CYP20A1: variants seen among roughly 807,000 people sequenced by gnomAD.
CYP20A1 encodes cytochrome P450 family 20 subfamily A member 1, also known as cytochrome P450 20A1.
Under a neutral mutation model 61.4 loss-of-function variants are expected in CYP20A1, and 61 were observed. The ratio of observed to expected loss-of-function variants is 0.99; its 90% CI spans 0.81 to 1.23. CYP20A1 has a LOEUF of 1.23. Ranked by LOEUF, CYP20A1 falls within the 50% of genes most tolerant of loss-of-function variation. The pLI, the probability that CYP20A1 is intolerant of heterozygous loss-of-function variation, is 0.00. For missense variants in CYP20A1, 530 were observed against 542.4 expected (o/e 0.98, Z 0.23); for synonymous variants, 193 against 188.2 (o/e 1.03, Z -0.21).
chr2:203,290,415 A>G (rs2068484200), intron 10 of CYP20A1, among the ~76,000 whole-genome samples: 1 of 152,170 alleles, frequency 6.6e-6, no homozygotes, highest in Admixed American at 6.6e-5. Context: ...ATTTTTATAG[A>G]CCTATTTCTG....
In CYP20A1 at chr2:203,300,611, C is replaced by T. The variant is rs774176113; in HGVS notation, c.*3703C>T. Among the ~76,000 whole-genome samples the T allele has an allele frequency of 2.0e-5, 3 of 152,220 alleles. No individual in the cohort carries two copies. The highest frequency in any genetic ancestry group is 1.9e-4 in the East Asian group (1 of 5,186). On this transcript the variant is annotated 3_prime_UTR_variant, in exon 13 of 13. Transcript: ENST00000356079. ...TATTGTTAAAAAACATAAGCATGGC[C>T]GGGCACAGTGGCTCACACCTGTAAT...
chr2:203,256,686 GTGTC>G (rs2066905834), intron 4 of CYP20A1, among the ~76,000 whole-genome samples: 1 of 152,152 alleles, frequency 6.6e-6, no homozygotes, highest in African/African-American at 2.4e-5. Context: ...AATCCTTTGA[GTGTC>G]TGTCTCCCTC....
intron 11 of CYP20A1, among the ~76,000 whole-genome samples, chr2:203,295,016 G>T (rs1437506988): frequency 3.1e-5 from 3 of 98,118 alleles, no homozygotes; most frequent in African/African-American, 1.2e-4. Context: ...ACAGTGGCGC[G>T]ATCCCGGCTC....
At chr2:203,295,238 C>T (rs2068740112) in intron 11 of CYP20A1, among the ~76,000 whole-genome samples, 1 of 151,684 alleles carries the variant, frequency 6.6e-6, no homozygotes, top group African/African-American at 2.4e-5. Flanking sequence ...AGCCACCGCG[C>T]CTGGCCAAAA....
intron 4 of CYP20A1, chr2:203,259,898 G>C (rs1361540371): frequency 6.7e-6 from 1 of 149,458 alleles, no homozygotes; most frequent in Admixed American, 6.6e-5. Flanking sequence ...GCCCACCTCA[G>C]CCTCCCAAAG....
intron 11 of CYP20A1, among the ~76,000 whole-genome samples, chr2:203,295,319 C>T (rs1038894957): frequency 6.6e-6 from 1 of 152,044 alleles, no homozygotes; most frequent in African/African-American, 2.4e-5. Flanking sequence ...AAGCAATCCT[C>T]CCACCTTGGC....
At chr2:203,290,967 C>T (rs1029557083) in intron 10 of CYP20A1, among the ~76,000 whole-genome samples, 7 of 151,902 alleles carry the variant, frequency 4.6e-5, no homozygotes, top group South Asian at 2.1e-4. Context: ...AAGCAGCCCC[C>T]GCTAGTGGAA....
At chr2:203,292,383 G>T (rs549575564) in intron 11 of CYP20A1, 57 bp downstream of exon 11, 5 of 1,292,638 alleles carry the variant, frequency 3.9e-6, no homozygotes, top group Admixed American at 3.4e-5. Context: ...TGCACGTTTT[G>T]CATTCCTTTC....
rs577378781 is a variant in CYP20A1, at chr2:203,239,326, G to T, written c.72+192G>T. Among the ~76,000 whole-genome samples the T allele has an allele frequency of 1.2e-4, 18 of 152,168 alleles. No individual in the cohort carries two copies. The East Asian group carries it at 2.5e-3, about 21-fold the overall frequency. ...GCCCCTCCCGGCAAGCTCTGAGAGC[G>T]ACGTGGGCTGCGTCGCTACCCCTCA... On this transcript the variant is annotated intron_variant, in intron 1 of 12. Coordinates refer to ENST00000356079, the MANE Select transcript of CYP20A1 (RefSeq NM_177538.3).
chr2:203,245,779 G>A, intron 1 of CYP20A1, 67 bp from the exon 2 acceptor site: 1 of 867,270 alleles, frequency 1.2e-6, no homozygotes, highest in Non-Finnish European at 1.8e-6. Flanking sequence ...CTGCAGATGT[G>A]TTGGTGAAAC....
intron 6 of CYP20A1, among the ~76,000 whole-genome samples, chr2:203,275,367 A>G (rs1227262528): frequency 6.6e-6 from 1 of 152,086 alleles, no homozygotes; most frequent in Admixed American, 6.6e-5. Flanking sequence ...TTCTCAGGTG[A>G]TTCTAATGTG....
At chr2:203,270,829 G>C (rs1463717677) in intron 5 of CYP20A1, among the ~76,000 whole-genome samples, 3 of 142,980 alleles carry the variant, frequency 2.1e-5, no homozygotes, top group Non-Finnish European at 4.5e-5. Context: ...TCACCCTCCT[G>C]AGTAGCTGGG....
At chr2:203,240,887 G>T (rs1377849799) in intron 1 of CYP20A1, among the ~76,000 whole-genome samples, 1 of 152,204 alleles carries the variant, frequency 6.6e-6, no homozygotes, top group Non-Finnish European at 1.5e-5. Flanking sequence ...AAATTGGATA[G>T]AATTCAAATT....
intron 4 of CYP20A1, among the ~76,000 whole-genome samples, chr2:203,256,657 C>T (rs1361552852): frequency 6.6e-6 from 1 of 152,208 alleles, no homozygotes; most frequent in Non-Finnish European, 1.5e-5. Flanking sequence ...CCGCACCCAC[C>T]AGTAATTCTA....
intron 5 of CYP20A1, among the ~76,000 whole-genome samples, chr2:203,267,571 G>A (rs1210331694): frequency 2.0e-5 from 3 of 151,844 alleles, no homozygotes; most frequent in East Asian, 1.9e-4. Flanking sequence ...TTGGCCGGGC[G>A]TGGTGGCTCA....
chr2:203,245,451 C>T (rs1384791880), intron 1 of CYP20A1, among the ~76,000 whole-genome samples: 2 of 151,526 alleles, frequency 1.3e-5, no homozygotes, highest in African/African-American at 4.9e-5. Context: ...TTTCATCACC[C>T]AGGTAATTAT....
chr2:203,274,095 C>T (rs2067714697), intron 6 of CYP20A1, among the ~76,000 whole-genome samples: 1 of 151,986 alleles, frequency 6.6e-6, no homozygotes, highest in African/African-American at 2.4e-5. Context: ...TGTAGTACCC[C>T]CAAATTAATT....
chr2:203,289,965 A>T (rs892197744), intron 10 of CYP20A1, 89 bp downstream of exon 10: 11 of 472,062 alleles, frequency 2.3e-5, no homozygotes, highest in Middle Eastern at 5.3e-4. Flanking sequence ...TTTTAGACAG[A>T]GGTTTGCTCT....
rs2069113067 is a variant in CYP20A1 at position 203,303,722 on chromosome 2, A to T, written c.*6814A>T. On this transcript the variant is annotated 3_prime_UTR_variant, in exon 13 of 13. Coordinates refer to ENST00000356079, the MANE Select transcript of CYP20A1 (RefSeq NM_177538.3). ...CAAGAAAAAAGAAAAAAAGAAAAAG[A>T]AAACTTAACTGGCCTTTGGGGCACA... 6.6e-6 allele frequency among the ~76,000 whole-genome samples: 1 copy of T among 151,908 alleles called. No individual in the cohort carries two copies. The highest frequency in any genetic ancestry group is 1.5e-5 in the Non-Finnish European group (1 of 67,996).
Sources: allele counts gnomAD v4.1 joint callset (sites outside exome capture counted in the v4.1 genomes callset), GRCh38; gene constraint gnomAD v4.1.1; transcripts MANE v1.5; gene names NCBI Gene and HGNC (gene_info 2026-07-23, HGNC 2026-07-21).